The following WNK1 variants were observed in gnomAD, a reference collection of about 807,000 sequenced individuals.
WNK1 encodes the protein serine/threonine-protein kinase WNK1.
A neutral mutation model predicts 222.8 loss-of-function variants in WNK1; 38 were observed. The ratio of observed to expected loss-of-function variants is 0.17; its 90% CI spans 0.13 to 0.22. The LOEUF is 0.22. Among genes scored for constraint, WNK1 ranks in the 10% least tolerant of loss-of-function variants. WNK1 has a pLI of 1.00. For missense variants in WNK1, 2,348 were observed against 2,918.4 expected, an observed-to-expected ratio of 0.80 and a Z score of 4.50; for synonymous variants, 1,090 against 1,092.9, an observed-to-expected ratio of 1.00 and a Z score of 0.05.
chr12:851,362 CTG>C (rs1813105258), intron 4 of WNK1: 7 of 1,053,282 alleles, frequency 6.6e-6, no homozygotes, highest in Middle Eastern at 4.6e-4. Flanking sequence ...GAGATAGAAA[CTG>C]TGCGCAAAGT....
At chr12:889,307 A>G (rs1318579378) in intron 21 of WNK1, 84 bp downstream of exon 21, 1 of 1,149,646 alleles carries the variant, frequency 8.7e-7, no homozygotes, top group Non-Finnish European at 1.3e-6. Context: ...CTAAACCATT[A>G]TTAATACCTT....
chr12:881,023 A>G (rs374446980), intron 12 of WNK1, 24 bp downstream of exon 12: 1 of 1,613,912 alleles, frequency 6.2e-7, no homozygotes, highest in Non-Finnish European at 8.5e-7. Context: ...CTGCATGTTT[A>G]TATGTAAAAC....
In WNK1 at chr12:779,182, A is replaced by G. The variant is rs139637218; in HGVS notation, c.759+24858A>G. On this transcript the variant is annotated intron_variant, in intron 1 of 27. Coordinates refer to ENST00000315939, the MANE Select transcript of WNK1 (RefSeq NM_018979.4). Reference sequence around the variant, plus strand: ...TTTCTCCAAAACAGTTGAATAATGTACTCATTTTCATAAAATTTTAGAAAA... The same window carrying G: ...TTTCTCCAAAACAGTTGAATAATGTGCTCATTTTCATAAAATTTTAGAAAA... Among the ~76,000 whole-genome samples, 707 of 152,264 alleles carry G rather than the reference A, an allele frequency of 4.6e-3. 6 individuals carry two copies. The highest frequency in any genetic ancestry group is 0.016 in the African/African-American group (679 of 41,542).
intron 4 of WNK1, among the ~76,000 whole-genome samples, chr12:843,278 T>C (rs554003264): frequency 6.6e-6 from 1 of 152,188 alleles, no homozygotes; most frequent in Non-Finnish European, 1.5e-5. Context: ...AGTAATCCTT[T>C]ACACTCTTTA....
At chr12:834,465 G>A (rs532462122) in intron 4 of WNK1, among the ~76,000 whole-genome samples, 14 of 152,298 alleles carry the variant, frequency 9.2e-5, no homozygotes, top group Non-Finnish European at 1.8e-4. Flanking sequence ...GTGGGTGGTG[G>A]TGGATAGGGT....
In WNK1 at chr12:759,385, C is replaced by G. The variant is rs553739350; in HGVS notation, c.759+5061C>G. Among the ~76,000 whole-genome samples, 9 of 147,314 alleles carry G rather than the reference C, an allele frequency of 6.1e-5. 2 individuals carry two copies. The highest frequency in any genetic ancestry group is 1.4e-4 in the Non-Finnish European group (9 of 65,980). ...TCACTCTGTCGCCCAGGCTGGAGTA[C>G]AGTGGCGCGATCTCGGCTCACTGCA... On this transcript the variant is annotated intron_variant, in intron 1 of 27. Transcript: ENST00000315939.
chr12:755,599 T>C (rs1419751683), intron 1 of WNK1, among the ~76,000 whole-genome samples: 1 of 152,090 alleles, frequency 6.6e-6, no homozygotes, highest in Non-Finnish European at 1.5e-5. Context: ...TTTATAGTAT[T>C]TTAGAATTGA....
intron 4 of WNK1, among the ~76,000 whole-genome samples, chr12:836,307 T>C (rs541153503): frequency 1.1e-3 from 166 of 152,338 alleles, no homozygotes; most frequent in African/African-American, 3.8e-3. Context: ...TTTCCTCATA[T>C]GATTATGGTA....
Position 884,940 on chromosome 12 carries a change from C to G in WNK1, c.4136C>G (p.Thr1379Ser). Residue 1379 changes from threonine to serine, a missense_variant, in exon 19 of 28, where the codon ACT becomes AGT. By Grantham distance (58) the Thr-to-Ser change is moderately conservative (BLOSUM62 1). This residue lies in a region of WNK1 where 1,144 missense variants were observed against 1,273.6 expected (regional missense o/e 0.90). Coordinates refer to ENST00000315939, the MANE Select transcript of WNK1 (RefSeq NM_018979.4). The surrounding 1 kb of genome is among the most constrained non-coding windows in gnomAD (Gnocchi z 5.6). Reference sequence around the variant, plus strand: ...ATTCAGTCTGAGGTTACAGTGCCCACTGAAGAGGGGATTGCTGGAGTTGCC... The same window carrying G: ...ATTCAGTCTGAGGTTACAGTGCCCAGTGAAGAGGGGATTGCTGGAGTTGCC... ...SVIQSEVTVP[T>S]EEGIAGVATS... 6.2e-7 allele frequency: 1 copy of G among 1,614,182 alleles called. No homozygotes were observed. The highest frequency in any genetic ancestry group is 8.5e-7 in the Non-Finnish European group (1 of 1,180,024).
chr12:797,818 G>A (rs1478227671), intron 1 of WNK1, among the ~76,000 whole-genome samples: 2 of 151,650 alleles, frequency 1.3e-5, no homozygotes, highest in African/African-American at 2.4e-5. Flanking sequence ...GCATGGTGGC[G>A]GGCGCCTGTA....
chr12:895,979 T>C, intron 23 of WNK1, 92 bp from the exon 24 acceptor site: 1 of 1,541,314 alleles, frequency 6.5e-7, no homozygotes, highest in South Asian at 1.1e-5. Flanking sequence ...GACAGGGAAA[T>C]AAAGTGATTC....
chr12:812,112 C>A (rs993924803), intron 1 of WNK1, among the ~76,000 whole-genome samples: 1 of 152,078 alleles, frequency 6.6e-6, no homozygotes, highest in Non-Finnish European at 1.5e-5. Flanking sequence ...TAGTTGGCAG[C>A]TTTTTTACAA....
At chr12:808,489 G>A (rs1354221978) in intron 1 of WNK1, among the ~76,000 whole-genome samples, 1 of 151,242 alleles carries the variant, frequency 6.6e-6, no homozygotes, top group Non-Finnish European at 1.5e-5. Context: ...TTTTCTAATA[G>A]AACTAAATGT....
Position 885,712 on chromosome 12 carries a change from T to C in WNK1, c.4908T>C (p.Pro1636=). ...CCAACCAGCCCCATACTCATTGTCC[T>C]GAAGTAGATTCTGATACACAACCCA... ...LLPNQPHTHC[P]EVDSDTQPKA... Residue 1636 remains proline (P), a synonymous_variant, in exon 19 of 28, where the codon CCT becomes CCC. Coordinates refer to ENST00000315939, the MANE Select transcript of WNK1 (RefSeq NM_018979.4). 1.2e-6 allele frequency: 2 copies of C among 1,614,196 alleles called. No individual in the cohort carries two copies. The highest frequency in any genetic ancestry group is 1.7e-6 in the Non-Finnish European group (2 of 1,180,030).
intron 1 of WNK1, among the ~76,000 whole-genome samples, chr12:782,991 A>G (rs140045253): frequency 6.6e-6 from 1 of 151,366 alleles, no homozygotes; most frequent in African/African-American, 2.4e-5. Flanking sequence ...GCAGCTTCGA[A>G]CTCCTGGGCT....
At chr12:816,560 T>A (rs1947357146) in intron 2 of WNK1, among the ~76,000 whole-genome samples, 1 of 152,110 alleles carries the variant, frequency 6.6e-6, no homozygotes, top group Admixed American at 6.5e-5. Flanking sequence ...ACTGCTGGGA[T>A]TACAAGCATG....
chr12:872,154 C>G (rs1158319640), intron 9 of WNK1, among the ~76,000 whole-genome samples: 1 of 152,058 alleles, frequency 6.6e-6, no homozygotes. Flanking sequence ...TTGAGACAGC[C>G]TTGCTCTGTT....
At chr12:811,326 A>G (rs986163198) in intron 1 of WNK1, among the ~76,000 whole-genome samples, 1 of 152,184 alleles carries the variant, frequency 6.6e-6, no homozygotes, top group Admixed American at 6.5e-5. Context: ...TAATTATTAT[A>G]TAATAACAAA....
At chr12:780,570 A>C (rs1371778923) in intron 1 of WNK1, among the ~76,000 whole-genome samples, 1 of 152,210 alleles carries the variant, frequency 6.6e-6, no homozygotes, top group Non-Finnish European at 1.5e-5. Flanking sequence ...TTAATGGGAG[A>C]GCTGGCATGG....
Sources: allele counts gnomAD v4.1 joint callset (sites outside exome capture counted in the v4.1 genomes callset), GRCh38; gene constraint gnomAD v4.1.1; regional missense constraint gnomAD v4.1.1; non-coding constraint Gnocchi (gnomAD v3.1); transcripts MANE v1.5; gene names NCBI Gene and HGNC (gene_info 2026-07-23, HGNC 2026-07-21).